Variants in GRIA4 observed in about 807,000 individuals in gnomAD.
GRIA4 encodes glutamate ionotropic receptor AMPA type subunit 4, also known as glutamate receptor 4.
A neutral mutation model predicts 104.0 loss-of-function variants in GRIA4; 34 were observed. That is an observed-to-expected ratio of 0.33 (90% confidence interval 0.25 to 0.44). The LOEUF is 0.44. GRIA4 is among the 20% of genes least tolerant of loss of function. The pLI is 1.00. For synonymous variants in GRIA4, 386 were observed against 381.9 expected, an observed-to-expected ratio of 1.01 and a Z score of -0.13; for missense variants, 750 against 1,096.5, an observed-to-expected ratio of 0.68 and a Z score of 4.46.
At chr11:105,894,791 A>ATTTTTTTTTTTT (rs569292239) in intron 6 of GRIA4, among the ~76,000 whole-genome samples, 1 of 126,384 alleles carries the variant, frequency 7.9e-6, no homozygotes, top group African/African-American at 3.2e-5. Flanking sequence ...ATTGCTACAT[A>ATTTTTTTTTTTT]TTTTTTTTTT....
chr11:105,837,174 G>A (rs1944224264), intron 4 of GRIA4, among the ~76,000 whole-genome samples: 1 of 152,036 alleles, frequency 6.6e-6, no homozygotes, highest in South Asian at 2.1e-4. Flanking sequence ...AACAGCATGA[G>A]GGAAACCACC....
intron 3 of GRIA4, among the ~76,000 whole-genome samples, chr11:105,647,340 G>A (rs1951557699): frequency 6.6e-6 from 1 of 152,218 alleles, no homozygotes; most frequent in Non-Finnish European, 1.5e-5. Flanking sequence ...ATACATTGTT[G>A]GTGGGAGTGT....
intron 3 of GRIA4, among the ~76,000 whole-genome samples, chr11:105,740,942 G>A (rs1939267080): frequency 6.6e-6 from 1 of 152,178 alleles, no homozygotes; most frequent in Non-Finnish European, 1.5e-5. Context: ...GAAGCCACTG[G>A]AATTTTAAGT....
intron 4 of GRIA4, among the ~76,000 whole-genome samples, chr11:105,840,200 G>A (rs1041687095): frequency 6.6e-6 from 1 of 152,062 alleles, no homozygotes; most frequent in Non-Finnish European, 1.5e-5. Flanking sequence ...AAATCCATGA[G>A]GACTTTTACT....
chr11:105,713,104 C>A (rs943053253), intron 3 of GRIA4, among the ~76,000 whole-genome samples: 1 of 151,970 alleles, frequency 6.6e-6, no homozygotes, highest in Non-Finnish European at 1.5e-5. Context: ...GAATACAGGC[C>A]AGGCACAGTG....
At chr11:105,888,477 G>A (rs1241767641) in intron 6 of GRIA4, among the ~76,000 whole-genome samples, 1 of 150,598 alleles carries the variant, frequency 6.6e-6, no homozygotes, top group Non-Finnish European at 1.5e-5. Flanking sequence ...TAGTAGAGAC[G>A]GGGTTTCACC....
At chr11:105,675,460 A>G (rs1952506910) in intron 3 of GRIA4, among the ~76,000 whole-genome samples, 1 of 151,884 alleles carries the variant, frequency 6.6e-6, no homozygotes. Context: ...GCTAATTTCC[A>G]GCATTAGCGT....
chr11:105,773,308 A>G (rs1166198412), intron 4 of GRIA4, among the ~76,000 whole-genome samples: 1 of 152,134 alleles, frequency 6.6e-6, no homozygotes, highest in Non-Finnish European at 1.5e-5. Flanking sequence ...TTGAGCATCT[A>G]TTTAAGAAAG....
intron 3 of GRIA4, among the ~76,000 whole-genome samples, chr11:105,714,011 G>A (rs773415303): frequency 2.6e-5 from 4 of 152,046 alleles, no homozygotes; most frequent in Non-Finnish European, 5.9e-5. Context: ...ACTTAGAGAC[G>A]CTTTGAGGCA....
chr11:105,879,776 G>A (rs1388870833), intron 5 of GRIA4, among the ~76,000 whole-genome samples: 3 of 151,948 alleles, frequency 2.0e-5, no homozygotes, highest in African/African-American at 7.3e-5. Flanking sequence ...AAACAGGTTT[G>A]GTATTCATCA....
chr11:105,858,744 A>C (rs79739024), intron 4 of GRIA4, among the ~76,000 whole-genome samples: 1 of 152,242 alleles, frequency 6.6e-6, no homozygotes, highest in East Asian at 1.9e-4. Context: ...CCTATAAATG[A>C]GTGAGAACAT....
At position 105,946,306 on chromosome 11, in the gene GRIA4, G is replaced by T. The variant is rs553007223; in HGVS notation, c.2294+12337G>T. Among the ~76,000 whole-genome samples the T allele has an allele frequency of 1.3e-4, 20 of 152,150 alleles. 1 individual carries two copies. The highest frequency in any genetic ancestry group is 3.4e-4 in the African/African-American group (14 of 41,434). On this transcript the variant is annotated intron_variant, in intron 14 of 16. Coordinates refer to ENST00000282499, the MANE Select transcript of GRIA4 (RefSeq NM_000829.4). ...AACAAGTGAAAGAATTTAAAGGGGC[G>T]GTGCAGTGGCTCACACCTGTAATCC...
intron 14 of GRIA4, among the ~76,000 whole-genome samples, chr11:105,967,070 C>T (rs1460398936): frequency 6.6e-6 from 1 of 151,910 alleles, no homozygotes; most frequent in Non-Finnish European, 1.5e-5. Context: ...ATACTAATAG[C>T]CTAGCATTCT....
At chr11:105,898,533 ATGGG>A in intron 7 of GRIA4, 106 bp downstream of exon 7, 2 of 695,990 alleles carry the variant, frequency 2.9e-6, no homozygotes, top group Non-Finnish European at 2.5e-6. Context: ...ATAGTATGGC[ATGGG>A]AAAAAAGCAT....
At chr11:105,803,440 A>G (rs1317953620) in intron 4 of GRIA4, among the ~76,000 whole-genome samples, 2 of 152,010 alleles carry the variant, frequency 1.3e-5, no homozygotes, top group East Asian at 1.9e-4. Flanking sequence ...AAAATTTTAT[A>G]TAGATGAGAG....
intron 14 of GRIA4, among the ~76,000 whole-genome samples, chr11:105,964,141 A>G (rs1388355354): frequency 6.6e-6 from 1 of 152,156 alleles, no homozygotes; most frequent in Admixed American, 6.5e-5. Context: ...CTTCATTCCT[A>G]CATTTCAATC....
chr11:105,923,909 A>T (rs1454046511), intron 11 of GRIA4, among the ~76,000 whole-genome samples: 1 of 152,172 alleles, frequency 6.6e-6, no homozygotes, highest in East Asian at 1.9e-4. Flanking sequence ...ATAGCTGGAA[A>T]GGAATAAAAA....
intron 14 of GRIA4, among the ~76,000 whole-genome samples, chr11:105,947,977 C>T (rs1457779866): frequency 6.6e-6 from 1 of 152,140 alleles, no homozygotes; most frequent in East Asian, 1.9e-4. Flanking sequence ...AATTCTTAGG[C>T]TTCAACTATT....
intron 3 of GRIA4, among the ~76,000 whole-genome samples, chr11:105,658,850 G>A (rs1041742306): frequency 6.6e-6 from 1 of 151,822 alleles, no homozygotes; most frequent in African/African-American, 2.4e-5. Context: ...GGAAAGGATA[G>A]GTAGGCGATT....
Sources: gnomAD v4.1 joint callset for allele counts (sites outside exome capture counted in the v4.1 genomes callset) on GRCh38, gnomAD v4.1.1 for gene constraint, MANE v1.5 for transcripts, NCBI Gene and HGNC (gene_info 2026-07-23, HGNC 2026-07-21) for gene names.